Variants in CHURC1 observed in about 807,000 individuals in gnomAD.
CHURC1 encodes churchill domain containing 1.
In CHURC1, 12 loss-of-function variants were observed where a neutral mutation model predicts 15.4. The ratio of observed to expected loss-of-function variants is 0.78; its 90% CI spans 0.50 to 1.27. The LOEUF (loss-of-function observed/expected upper bound fraction) is 1.27, where lower values mean the gene tolerates loss of function less well. CHURC1 is among the 50% of genes most tolerant of loss of function. CHURC1 has a pLI of 0.00. For synonymous variants in CHURC1, 42 were observed against 47.5 expected (o/e 0.88, Z 0.48); for missense variants, 132 against 137.8 (o/e 0.96, Z 0.21).
At chr14:64,914,841 C>T (rs1050196861) in intron 1 of CHURC1, among the ~76,000 whole-genome samples, 3 of 152,260 alleles carry the variant, frequency 2.0e-5, no homozygotes, top group Admixed American at 1.3e-4. Context: ...CTTCCGGTCT[C>T]ATCCTCAAGC....
chr14:64,933,793 A>G lies in CHURC1; in HGVS notation c.*1563A>G. ...AAGAAATGAGCAAAGTGTTCATTGT[A>G]GATACTAGGGAAAAGCTTTGTTGAA... On this transcript the variant is annotated 3_prime_UTR_variant, in exon 4 of 4. Transcript: ENST00000549115. 1.0e-6 allele frequency: 1 copy of G among 985,450 alleles called. No individual in the cohort carries two copies. 61.0% of individuals were successfully genotyped at this position (985,450 alleles called of 1,614,324 possible).
chr14:64,928,008 A>G (rs1273251979), intron 3 of CHURC1, among the ~76,000 whole-genome samples: 1 of 151,954 alleles, frequency 6.6e-6, no homozygotes, highest in Non-Finnish European at 1.5e-5. Context: ...CAAGGTTCTC[A>G]CTGGACTGGC....
intron 1 of CHURC1, among the ~76,000 whole-genome samples, chr14:64,919,333 T>G (rs1021687334): frequency 2.0e-5 from 3 of 152,180 alleles, no homozygotes; most frequent in Non-Finnish European, 4.4e-5. Context: ...AAAATCAATG[T>G]TAGTGATATG....
At chr14:64,930,595 G>GT (rs546681019) in intron 3 of CHURC1, among the ~76,000 whole-genome samples, 4 of 152,126 alleles carry the variant, frequency 2.6e-5, no homozygotes, top group Non-Finnish European at 4.4e-5. Context: ...TATATGTTAG[G>GT]TTTTTTCCCC....
intron 2 of CHURC1, among the ~76,000 whole-genome samples, chr14:64,924,984 T>C (rs974993391): frequency 2.6e-5 from 4 of 152,198 alleles, no homozygotes; most frequent in Non-Finnish European, 4.4e-5. Flanking sequence ...TAGAAGAATC[T>C]TTTTCTTTCT....
At chr14:64,923,183 C>G (rs1288773849) in intron 1 of CHURC1, among the ~76,000 whole-genome samples, 1 of 147,734 alleles carries the variant, frequency 6.8e-6, no homozygotes, top group Non-Finnish European at 1.5e-5. Flanking sequence ...ACTGTAATCC[C>G]AATACTTGGG....
chr14:64,920,858 T>G (rs1884239634), intron 1 of CHURC1, among the ~76,000 whole-genome samples: 1 of 152,212 alleles, frequency 6.6e-6, no homozygotes, highest in Admixed American at 6.5e-5. Flanking sequence ...TCCAGTAGAC[T>G]TTTTTGTAAA....
chr14:64,917,383 C>T (rs1027876972), intron 1 of CHURC1, among the ~76,000 whole-genome samples: 1 of 152,078 alleles, frequency 6.6e-6, no homozygotes, highest in East Asian at 1.9e-4. Flanking sequence ...GCCAACATGG[C>T]GAAACCCCGT....
intron 1 of CHURC1, among the ~76,000 whole-genome samples, chr14:64,915,987 A>C (rs1054428272): frequency 6.6e-6 from 1 of 152,198 alleles, no homozygotes; most frequent in East Asian, 1.9e-4. Context: ...GGGAAGTACT[A>C]CTGACTGCTA....
intron 2 of CHURC1, 60 bp downstream of exon 2, chr14:64,924,186 A>T (rs1332951073): frequency 6.6e-6 from 10 of 1,519,078 alleles, no homozygotes; most frequent in Admixed American, 5.9e-5. Flanking sequence ...TTGGAAGTCG[A>T]TATGTTACAC....
At chr14:64,923,663 A>G (rs1005693551) in intron 1 of CHURC1, among the ~76,000 whole-genome samples, 7 of 151,358 alleles carry the variant, frequency 4.6e-5, no homozygotes, top group South Asian at 2.1e-4. Context: ...CTAATTTTCT[A>G]TTTTCATATT....
At chr14:64,921,369 T>C (rs1884283806) in intron 1 of CHURC1, among the ~76,000 whole-genome samples, 1 of 152,182 alleles carries the variant, frequency 6.6e-6, no homozygotes, top group Non-Finnish European at 1.5e-5. Context: ...CAAAACTTGT[T>C]TGCTCATTAG....
Position 64,930,494 on chromosome 14 carries a change from A to T in CHURC1, c.247-1644A>T, listed in dbSNP as rs139653330. 7.5e-4 allele frequency among the ~76,000 whole-genome samples: 114 copies of T among 152,316 alleles called. 2 individuals are homozygous for T. The East Asian group carries it at 0.02, about 27-fold the overall frequency. ...TGTGGGAAATTGCTTTTGAATTCCA[A>T]ATAATTGACTTGCAATGAAATTTGG... is the stretch of plus-strand genomic sequence containing the variant. On this transcript the variant is annotated intron_variant, in intron 3 of 3. Coordinates refer to ENST00000549115, the MANE Select transcript of CHURC1 (RefSeq NM_001386928.1).
chr14:64,918,040 A>G (rs1884013607), intron 1 of CHURC1, among the ~76,000 whole-genome samples: 1 of 152,182 alleles, frequency 6.6e-6, no homozygotes, highest in South Asian at 2.1e-4. Context: ...TTGTTCTCTG[A>G]GGAAAAAAAT....
chr14:64,923,130 C>T (rs1257969160), intron 1 of CHURC1, among the ~76,000 whole-genome samples: 1 of 151,940 alleles, frequency 6.6e-6, no homozygotes, highest in Non-Finnish European at 1.5e-5. Flanking sequence ...TAATTATTAG[C>T]CTTTAGCAAA....
chr14:64,926,158 C>T (rs550404618), intron 3 of CHURC1, 78 bp downstream of exon 3: 43 of 995,626 alleles, frequency 4.3e-5, no homozygotes, highest in African/African-American at 1.0e-4. Flanking sequence ...AATCTAAATA[C>T]GGTTTTCATA....
chr14:64,923,785 T>A (rs2139895836), intron 1 of CHURC1, among the ~76,000 whole-genome samples: 1 of 151,042 alleles, frequency 6.6e-6, no homozygotes, highest in South Asian at 2.1e-4. Flanking sequence ...GCACTTTAGT[T>A]GCTTTTTTTT....
At chr14:64,930,052 G>A (rs941098670) in intron 3 of CHURC1, among the ~76,000 whole-genome samples, 3 of 150,612 alleles carry the variant, frequency 2.0e-5, no homozygotes, top group Non-Finnish European at 4.4e-5. Flanking sequence ...CTTGGAGTCA[G>A]AATTAACAGG....
intron 1 of CHURC1, among the ~76,000 whole-genome samples, chr14:64,916,361 T>C (rs1883880007): frequency 6.6e-6 from 1 of 152,222 alleles, no homozygotes; most frequent in African/African-American, 2.4e-5. Context: ...AGCAGTGTTT[T>C]ATTTCTTGAT....
Sources: allele counts gnomAD v4.1 joint callset (sites outside exome capture counted in the v4.1 genomes callset), GRCh38; gene constraint gnomAD v4.1.1; transcripts MANE v1.5; gene names NCBI Gene and HGNC (gene_info 2026-07-23, HGNC 2026-07-21).